MGAT5: variants seen among roughly 807,000 people sequenced by gnomAD.
MGAT5 encodes alpha-1,6-mannosylglycoprotein 6-beta-N-acetylglucosaminyltransferase A.
Under a neutral mutation model 94.3 loss-of-function variants are expected in MGAT5, and 30 were observed. The observed-to-expected ratio is 0.32, with a 90% CI of 0.24 to 0.43. The LOEUF (loss-of-function observed/expected upper bound fraction) is 0.43, where lower values mean the gene tolerates loss of function less well. Among genes scored for constraint, MGAT5 ranks in the 20% least tolerant of loss-of-function variants. The probability of loss-of-function intolerance (pLI) is 1.00; values close to 1 mark genes in which losing one functional copy is unlikely to be tolerated. For missense variants in MGAT5, 691 were observed against 905.5 expected, an observed-to-expected ratio of 0.76 and a Z score of 3.04; for synonymous variants, 310 against 322.9, an observed-to-expected ratio of 0.96 and a Z score of 0.43.
chr2:134,131,362 A>G (rs1686155088), intron 1 of MGAT5, among the ~76,000 whole-genome samples: 1 of 152,246 alleles, frequency 6.6e-6, no homozygotes, highest in Admixed American at 6.5e-5. Context: ...AAACTTGCCC[A>G]GGGTCACACA....
At chr2:134,389,298 A>G (rs1682248902) in intron 10 of MGAT5, among the ~76,000 whole-genome samples, 1 of 152,202 alleles carries the variant, frequency 6.6e-6, no homozygotes, top group Non-Finnish European at 1.5e-5. Context: ...TTCTATGCTG[A>G]CGAGTAATGC....
At chr2:134,407,955 C>T (rs1683436529) in intron 11 of MGAT5, among the ~76,000 whole-genome samples, 1 of 152,188 alleles carries the variant, frequency 6.6e-6, no homozygotes, top group Non-Finnish European at 1.5e-5. Context: ...ATGGGATTTA[C>T]CATAACAGTA....
chr2:134,174,840 T>G (rs532783771), intron 1 of MGAT5, among the ~76,000 whole-genome samples: 1 of 152,344 alleles, frequency 6.6e-6, no homozygotes, highest in African/African-American at 2.4e-5. Flanking sequence ...ATGGTGACCA[T>G]GGGCTTTGGC....
At chr2:134,425,551 C>T (rs1205950179) in intron 13 of MGAT5, among the ~76,000 whole-genome samples, 1 of 152,128 alleles carries the variant, frequency 6.6e-6, no homozygotes, top group Non-Finnish European at 1.5e-5. Context: ...ATTCTGCTTA[C>T]TCAGAATCCT....
chr2:134,209,152 A>ATTTTTTTT (rs869116395), intron 1 of MGAT5, among the ~76,000 whole-genome samples: 7 of 20,770 alleles, frequency 3.4e-4, no homozygotes, highest in Middle Eastern at 0.045. Flanking sequence ...TTTTTTTTTT[A>ATTTTTTTT]TTTTTTTTTT....
At chr2:134,287,301 A>T (rs947372519) in intron 2 of MGAT5, among the ~76,000 whole-genome samples, 1 of 152,192 alleles carries the variant, frequency 6.6e-6, no homozygotes, top group East Asian at 1.9e-4. Flanking sequence ...CAAAAATCCT[A>T]TTCTTGCTCT....
intron 1 of MGAT5, among the ~76,000 whole-genome samples, chr2:134,207,803 A>C (rs1680088330): frequency 6.6e-6 from 1 of 152,070 alleles, no homozygotes. Flanking sequence ...CACCAAGCCA[A>C]CCTCAGGAGG....
At chr2:134,192,293 G>T (rs1436515884) in intron 1 of MGAT5, among the ~76,000 whole-genome samples, 2 of 152,150 alleles carry the variant, frequency 1.3e-5, no homozygotes, top group African/African-American at 4.8e-5. Flanking sequence ...CCATGAGTGT[G>T]CTCTTGCATC....
At chr2:134,131,572 ATTTTTTTTTTTTT>A (rs10617178) in intron 1 of MGAT5, among the ~76,000 whole-genome samples, 1 of 85,230 alleles carries the variant, frequency 1.2e-5, no homozygotes, top group Non-Finnish European at 2.4e-5. Flanking sequence ...TGGTAGATTG[ATTTTTTTTTTTTT>A]TTTTTTTTTT....
At chr2:134,384,378 A>G (rs1480730232) in intron 10 of MGAT5, among the ~76,000 whole-genome samples, 4 of 152,138 alleles carry the variant, frequency 2.6e-5, no homozygotes, top group African/African-American at 7.2e-5. Context: ...ACTGCCTTTG[A>G]AAGTAAATGT....
intron 1 of MGAT5, among the ~76,000 whole-genome samples, chr2:134,264,856 G>A (rs1044485290): frequency 2.6e-5 from 4 of 152,122 alleles, no homozygotes; most frequent in South Asian, 2.1e-4. Context: ...TCTGCCTCTC[G>A]GGCAGCCATG....
intron 10 of MGAT5, among the ~76,000 whole-genome samples, chr2:134,375,712 G>T (rs372361008): frequency 4.4e-4 from 67 of 152,334 alleles, no homozygotes; most frequent in Middle Eastern, 6.8e-3. Context: ...TAAAAATTGG[G>T]TGGTAGAGCA....
intron 1 of MGAT5, among the ~76,000 whole-genome samples, chr2:134,217,873 G>A (rs904843312): frequency 3.3e-5 from 5 of 152,158 alleles, no homozygotes; most frequent in Non-Finnish European, 1.5e-5. Context: ...GTTTAAAGAT[G>A]TTCTTATGCC....
chr2:134,272,490 T>A (rs192727222), intron 2 of MGAT5, among the ~76,000 whole-genome samples: 3 of 152,226 alleles, frequency 2.0e-5, no homozygotes, highest in Non-Finnish European at 4.4e-5. Context: ...ACCATCATAA[T>A]TTTTACTGGC....
intron 8 of MGAT5, among the ~76,000 whole-genome samples, chr2:134,348,165 ATG>A (rs1689028638): frequency 1.3e-5 from 2 of 152,196 alleles, no homozygotes; most frequent in South Asian, 4.1e-4. Context: ...GTGGAAAGGG[ATG>A]CTCTGAGCTA....
intron 13 of MGAT5, among the ~76,000 whole-genome samples, chr2:134,423,633 T>C (rs1684419946): frequency 2.0e-5 from 3 of 152,196 alleles, no homozygotes; most frequent in African/African-American, 7.2e-5. Context: ...TTAGTTGCGA[T>C]GCTTTAAGAG....
intron 1 of MGAT5, among the ~76,000 whole-genome samples, chr2:134,186,001 C>T (rs535494143): frequency 7.9e-5 from 12 of 152,224 alleles, no homozygotes; most frequent in African/African-American, 2.9e-4. Context: ...GATGAGGAAC[C>T]GTAGATTATG....
intron 10 of MGAT5, among the ~76,000 whole-genome samples, chr2:134,379,617 C>T (rs1327806894): frequency 2.0e-5 from 3 of 152,194 alleles, no homozygotes; most frequent in African/African-American, 7.2e-5. Flanking sequence ...AGGTTTTTAC[C>T]AGCGAGCGAT....
At chr2:134,154,233 A>AG (rs777449451) in intron 1 of MGAT5, among the ~76,000 whole-genome samples, 68 of 152,332 alleles carry the variant, frequency 4.5e-4, no homozygotes, top group Admixed American at 2.6e-4. Context: ...AGAGCTTCAG[A>AG]GGGGCACTTG....
Sources: gnomAD v4.1 joint callset for allele counts (sites outside exome capture counted in the v4.1 genomes callset) on GRCh38, gnomAD v4.1.1 for gene constraint, MANE v1.5 for transcripts, NCBI Gene and HGNC (gene_info 2026-07-23, HGNC 2026-07-21) for gene names.